ST8SIA5: variants seen among roughly 807,000 people sequenced by gnomAD.
The protein encoded by ST8SIA5 is ST8 alpha-N-acetyl-neuraminide alpha-2,8-sialyltransferase 5, also known as alpha-2,8-sialyltransferase 8E.
ST8SIA5 carries 24 observed loss-of-function variants against 40.2 expected under a neutral mutation model. The observed-to-expected ratio is 0.60, with a 90% CI of 0.43 to 0.84. ST8SIA5 has a LOEUF of 0.84. ST8SIA5 is among the 40% of genes least tolerant of loss of function. ST8SIA5 has a pLI of 0.00. For missense variants in ST8SIA5, 465 were observed against 498.5 expected, an observed-to-expected ratio of 0.93 and a Z score of 0.64; for synonymous variants, 198 against 201.8, an observed-to-expected ratio of 0.98 and a Z score of 0.16.
At chr18:46,682,554 GT>G (rs1188571895) in intron 5 of ST8SIA5, among the ~76,000 whole-genome samples, 2 of 152,238 alleles carry the variant, frequency 1.3e-5, no homozygotes, top group Non-Finnish European at 2.9e-5. Context: ...GCAAAAGCAA[GT>G]TGCCACCATT....
At chr18:46,721,410 T>C (rs1184531683) in intron 1 of ST8SIA5, 11 of 1,536,070 alleles carry the variant, frequency 7.2e-6, no homozygotes, top group Admixed American at 2.0e-5. Flanking sequence ...ATCCGTGACA[T>C]TAAAGAGCCC....
At chr18:46,742,000 G>T (rs1053734358) in intron 1 of ST8SIA5, among the ~76,000 whole-genome samples, 1 of 152,100 alleles carries the variant, frequency 6.6e-6, no homozygotes, top group East Asian at 1.9e-4. Context: ...TTCTCGGGAG[G>T]CTGAGGCATG....
chr18:46,718,046 C>T lies in ST8SIA5; in HGVS notation c.132-13382G>A, dbSNP rs140352975. 6.6e-5 allele frequency among the ~76,000 whole-genome samples: 10 copies of T among 152,100 alleles called. No individual in the cohort carries two copies. The East Asian group carries it at 7.7e-4, about 12-fold the overall frequency. ...AATATTTGCTGATTGAAAATTATTC[C>T]GGCTGGGTGCTGTGGCTCACGCCTG... is the stretch of plus-strand genomic sequence containing the variant. On this transcript the variant is annotated intron_variant, in intron 1 of 6. Coordinates refer to ENST00000315087, the MANE Select transcript of ST8SIA5 (RefSeq NM_013305.6).
intron 1 of ST8SIA5, among the ~76,000 whole-genome samples, chr18:46,755,671 A>C (rs973632229): frequency 6.6e-6 from 1 of 152,032 alleles, no homozygotes; most frequent in Non-Finnish European, 1.5e-5. Flanking sequence ...TTTCTCTTGG[A>C]GTTTAACCGT....
At chr18:46,740,195 G>T (rs2040074510) in intron 1 of ST8SIA5, among the ~76,000 whole-genome samples, 1 of 152,038 alleles carries the variant, frequency 6.6e-6, no homozygotes, top group South Asian at 2.1e-4. Flanking sequence ...AGTCTGGCAA[G>T]AAAAGAAGTA....
In ST8SIA5 at chr18:46,729,392, T is replaced by TTGAGGTGCCAGAACTATGGGATCC. The variant is rs11268051; in HGVS notation, c.132-24729_132-24728insGGATCCCATAGTTCTGGCACCTCA. ...GGAAAGGGGGCCAGGGGTGGGTGCC[T>TTGAGGTGCCAGAACTATGGGATCC]TGAACTCCACCCTCCCCAGAGGTCT... On this transcript the variant is annotated intron_variant, in intron 1 of 6. Transcript: ENST00000315087. 2.2e-4 allele frequency among the ~76,000 whole-genome samples: 33 copies of TTGAGGTGCCAGAACTATGGGATCC among 152,000 alleles called. No homozygotes were observed. In the Middle Eastern group the frequency reaches 0.01, roughly 47 times the overall value.
intron 1 of ST8SIA5, among the ~76,000 whole-genome samples, chr18:46,739,499 A>G (rs1599148360): frequency 1.3e-5 from 2 of 152,194 alleles, no homozygotes; most frequent in East Asian, 3.8e-4. Flanking sequence ...GCGCCACTGC[A>G]CTCCAGCATG....
Position 46,680,441 on chromosome 18 carries a change from C to A in ST8SIA5, c.732G>T (p.Val244=), listed in dbSNP as rs914704045. ...RVLQVYENAS[V]LLPAFYNTRN... ...GCGTGTTGTAGAAGGCAGGCAGCAG[C>A]ACCGACGCGTTCTCGTACACCTGCA... Residue 244 remains valine, a synonymous_variant, in exon 7 of 7, where the codon GTG becomes GTT. Transcript: ENST00000315087. The A allele has an allele frequency of 6.2e-7, 1 of 1,611,348 alleles. No homozygotes were observed. Among genetic ancestry groups the A allele is most frequent in the African/African-American group, 1.3e-5 (1 of 75,004 alleles).
chr18:46,734,403 C>A (rs1409111214), intron 1 of ST8SIA5, among the ~76,000 whole-genome samples: 1 of 152,018 alleles, frequency 6.6e-6, no homozygotes, highest in Non-Finnish European at 1.5e-5. Flanking sequence ...CCCCACCTCC[C>A]CCCACCCCTG....
intron 1 of ST8SIA5, among the ~76,000 whole-genome samples, chr18:46,746,686 A>T (rs1267003705): frequency 1.3e-5 from 2 of 152,182 alleles, no homozygotes; most frequent in East Asian, 3.9e-4. Flanking sequence ...TCAAGCTACC[A>T]ATGACTTTCG....
At chr18:46,689,863 A>G (rs1373573259) in intron 3 of ST8SIA5, among the ~76,000 whole-genome samples, 1 of 151,268 alleles carries the variant, frequency 6.6e-6, no homozygotes, top group African/African-American at 2.4e-5. Context: ...TGCTGGGATT[A>G]CAGGTGTGAG....
chr18:46,688,902 C>A lies in ST8SIA5; in HGVS notation c.329G>T (p.Cys110Phe), dbSNP rs1438448312. Residue 110 changes from cysteine to phenylalanine, a missense_variant, in exon 4 of 7, where the codon TGC becomes TTC. Physicochemically the swap from Cys to Phe is radical, Grantham distance 205 (BLOSUM62 -2). Transcript: ENST00000315087. ...GAAGAGAAAGGCAGGGGCGTTGCAG[C>A]ACCTGGACAGAGTAGACCTGCCAGG... ...ANQFKSTLSR[C>F]CNAPAFLFTT... The A allele has an allele frequency of 6.2e-7, 1 of 1,613,180 alleles. No homozygotes were observed. The highest frequency in any genetic ancestry group is 1.1e-5 in the South Asian group (1 of 90,906).
Position 46,707,970 on chromosome 18 carries a change from G to A in ST8SIA5, c.132-3306C>T, listed in dbSNP as rs77897700. On this transcript the variant is annotated intron_variant, in intron 1 of 6. Coordinates refer to ENST00000315087, the MANE Select transcript of ST8SIA5 (RefSeq NM_013305.6). ...TAAGTCACTCAGTCTATGGTATTCT[G>A]ACAGCCACATTAGGCCTGGCACTTT... 8.7e-3 allele frequency among the ~76,000 whole-genome samples: 1,331 copies of A among 152,288 alleles called. 19 individuals are homozygous for A. Among genetic ancestry groups the A allele is most frequent in the African/African-American group, 0.03 (1,239 of 41,546 alleles).
chr18:46,726,841 C>G (rs2039936284), intron 1 of ST8SIA5, among the ~76,000 whole-genome samples: 1 of 152,114 alleles, frequency 6.6e-6, no homozygotes, highest in Admixed American at 6.5e-5. Flanking sequence ...TTGCTTGAAC[C>G]CAGGAGGCGG....
chr18:46,704,423 T>G lies in ST8SIA5; in HGVS notation c.224+149A>C, dbSNP rs2039648807. On this transcript the variant is annotated intron_variant, in intron 2 of 6. Coordinates refer to ENST00000315087, the MANE Select transcript of ST8SIA5 (RefSeq NM_013305.6). ...CCCTCCAGGGCTTTCCGAATGCCAG[T>G]GGCTCTGGGGAAGGAGACCTACTTT... 4.3e-6 allele frequency: 3 copies of G among 695,574 alleles called. No homozygotes were observed. In the Admixed American group the frequency reaches 7.2e-5, roughly 17 times the overall value. 43.1% of individuals were successfully genotyped at this position (695,574 alleles called of 1,614,324 possible).
intron 1 of ST8SIA5, among the ~76,000 whole-genome samples, chr18:46,710,698 C>CT (rs1272654054): frequency 6.6e-6 from 1 of 151,960 alleles, no homozygotes; most frequent in African/African-American, 2.4e-5. Flanking sequence ...CTCTGAGAGC[C>CT]TGGGTCTGTA....
chr18:46,686,381 C>G, intron 4 of ST8SIA5, 95 bp from the exon 5 acceptor site: 1 of 994,406 alleles, frequency 1.0e-6, no homozygotes, highest in Middle Eastern at 2.5e-4. Flanking sequence ...TATATTAGCT[C>G]CTGGTCCCAA....
At chr18:46,691,912 A>C in intron 3 of ST8SIA5, 1 of 505,482 alleles carries the variant, frequency 2.0e-6, no homozygotes, top group Admixed American at 3.2e-5. Context: ...TGTACTGGAG[A>C]TGGCACCACC....
At chr18:46,734,362 G>A (rs1353038446) in intron 1 of ST8SIA5, among the ~76,000 whole-genome samples, 3 of 152,058 alleles carry the variant, frequency 2.0e-5, no homozygotes, top group African/African-American at 7.2e-5. Context: ...GGGAGGAGAG[G>A]AACGGAGAGA....
Sources: allele counts gnomAD v4.1 joint callset (sites outside exome capture counted in the v4.1 genomes callset), GRCh38; gene constraint gnomAD v4.1.1; transcripts MANE v1.5; gene names NCBI Gene and HGNC (gene_info 2026-07-23, HGNC 2026-07-21).